ZNF250: variants seen among roughly 807,000 people sequenced by gnomAD.
The protein encoded by ZNF250 is zinc finger protein (clone 647).
A neutral mutation model predicts 37.1 loss-of-function variants in ZNF250; 13 were observed. The ratio of observed to expected loss-of-function variants is 0.35; its 90% CI spans 0.23 to 0.56. The LOEUF (loss-of-function observed/expected upper bound fraction) is 0.56. ZNF250 is among the 20% of genes least tolerant of loss of function. ZNF250 has a pLI of 0.87. For synonymous variants in ZNF250, 251 were observed against 265.6 expected (o/e 0.94, Z 0.54); for missense variants, 474 against 697.9 (o/e 0.68, Z 3.61).
intron 4 of ZNF250, 66 bp from the exon 5 acceptor site, chr8:144,886,968 C>G: frequency 6.9e-7 from 1 of 1,451,008 alleles, no homozygotes; most frequent in Non-Finnish European, 9.7e-7. Flanking sequence ...AAATCCTGGC[C>G]GGGCATGGTG....
At chr8:144,896,524 C>G (rs921177035) in intron 1 of ZNF250, among the ~76,000 whole-genome samples, 5 of 152,122 alleles carry the variant, frequency 3.3e-5, no homozygotes, top group Non-Finnish European at 4.4e-5. Flanking sequence ...GGACCTCAAC[C>G]TAAACCTTGC....
Position 144,890,995 on chromosome 8 carries a change from T to C in ZNF250, c.-54-592A>G, listed in dbSNP as rs1311328730. 6.6e-6 allele frequency among the ~76,000 whole-genome samples: 1 copy of C among 152,094 alleles called. No homozygotes were observed. The highest frequency in any genetic ancestry group is 1.5e-5 in the Non-Finnish European group (1 of 68,016). On this transcript the variant is annotated intron_variant, in intron 1 of 5. Transcript: ENST00000417550. The surrounding 1 kb of genome is among the most constrained non-coding windows in gnomAD (Gnocchi z 5.1). ...TGGACAAACTGAGTCAACAGTGGCCTAGGGATCTGGTCTGAGCAGCTGAAG... is the reference window on the plus strand; with the variant it reads ...TGGACAAACTGAGTCAACAGTGGCCCAGGGATCTGGTCTGAGCAGCTGAAG...
At chr8:144,886,734 GT>G in intron 5 of ZNF250, 105 bp downstream of exon 5, 1 of 989,708 alleles carries the variant, frequency 1.0e-6, no homozygotes, top group Non-Finnish European at 1.5e-6. Context: ...TGTGTGAGTT[GT>G]TTAACACGCT....
intron 4 of ZNF250, among the ~76,000 whole-genome samples, chr8:144,887,526 G>C (rs1831982352): frequency 6.6e-6 from 1 of 152,090 alleles, no homozygotes; most frequent in South Asian, 2.1e-4. Context: ...GCCTGTGTTA[G>C]AGGTGAGGGG....
chr8:144,882,900 C>A lies in ZNF250; in HGVS notation c.347-64G>T. The A allele has an allele frequency of 6.5e-7, 1 of 1,539,154 alleles. No homozygotes were observed. The highest frequency in any genetic ancestry group is 1.3e-5 in the South Asian group (1 of 77,594). On this transcript the variant is annotated intron_variant, in intron 5 of 5. Transcript: ENST00000417550. This position sits in a 1 kb window ranked among gnomAD's most constrained non-coding sequence, Gnocchi z 5.5. ...TCAAAACTGAAGAGCTAGTGCAACC[C>A]TGAAACTGGCCTTGCTGATGAAGGT...
At chr8:144,886,970 G>A in intron 4 of ZNF250, 68 bp from the exon 5 acceptor site, 6 of 1,412,264 alleles carry the variant, frequency 4.2e-6, no homozygotes, top group African/African-American at 1.4e-5. Context: ...ATCCTGGCCG[G>A]GCATGGTGGC....
chr8:144,886,976 G>T, intron 4 of ZNF250, 74 bp from the exon 5 acceptor site: 2 of 1,354,886 alleles, frequency 1.5e-6, no homozygotes, highest in Non-Finnish European at 2.1e-6. Context: ...GCCGGGCATG[G>T]TGGCTCACGT....
chr8:144,881,397 C>T lies in ZNF250; in HGVS notation c.*118G>A, dbSNP rs986765043. 6.4e-6 allele frequency: 9 copies of T among 1,405,654 alleles called. No individual in the cohort carries two copies. Among genetic ancestry groups the T allele is most frequent in the Middle Eastern group, 5.3e-4 (2 of 3,804 alleles). 87.1% of individuals were successfully genotyped at this position (1,405,654 alleles called of 1,614,324 possible). ...GCTTCTTTCTGGAGTTATTTTGTGACACTGAATCGCCAAAGAAAAGCTTCC... is the reference window on the plus strand; with the variant it reads ...GCTTCTTTCTGGAGTTATTTTGTGATACTGAATCGCCAAAGAAAAGCTTCC... On this transcript the variant is annotated 3_prime_UTR_variant, in exon 6 of 6. Coordinates refer to ENST00000417550, the MANE Select transcript of ZNF250 (RefSeq NM_001109689.4).
chr8:144,889,552 T>A (rs751161130), intron 4 of ZNF250, 29 bp downstream of exon 4: 1 of 1,585,034 alleles, frequency 6.3e-7, no homozygotes, highest in Admixed American at 1.7e-5. Context: ...TAGCCCTCAG[T>A]GAGGGAGGGG....
In ZNF250 at chr8:144,890,368, C is replaced by A; in HGVS notation, c.-19G>T. On this transcript the variant is annotated 5_prime_UTR_variant, in exon 2 of 6. Transcript: ENST00000417550. This position sits in a 1 kb window ranked among gnomAD's most constrained non-coding sequence, Gnocchi z 5.1. ...CTGCCATCACCTGGTCTCCTGGGGACTCCGAGGATCACGGAAATTGAAGGA... is the reference window on the plus strand; with the variant it reads ...CTGCCATCACCTGGTCTCCTGGGGAATCCGAGGATCACGGAAATTGAAGGA... 2.7e-6 allele frequency: 4 copies of A among 1,475,476 alleles called. No individual in the cohort carries two copies. Among genetic ancestry groups the A allele is most frequent in the Non-Finnish European group, 3.6e-6 (4 of 1,111,106 alleles). The allele number at this position is 1,475,476 out of a possible 1,614,324, so 91.4% of individuals were successfully genotyped here. A position where few individuals can be genotyped will look rare whatever the true frequency, so the allele number is the denominator to read the frequency against.
intron 3 of ZNF250, 96 bp from the exon 4 acceptor site, chr8:144,889,790 T>A: frequency 6.8e-7 from 1 of 1,462,490 alleles, no homozygotes; most frequent in East Asian, 2.3e-5. Context: ...TGGACAGGAC[T>A]GATCTTCTGC....
At chr8:144,886,599 C>T (rs969368190) in intron 5 of ZNF250, among the ~76,000 whole-genome samples, 26 of 152,086 alleles carry the variant, frequency 1.7e-4, no homozygotes, top group African/African-American at 5.3e-4. Context: ...AATGATTTCA[C>T]CGAAATAAAT....
intron 4 of ZNF250, among the ~76,000 whole-genome samples, chr8:144,888,595 CAAAAAAAA>C (rs36073563): frequency 7.3e-5 from 4 of 54,654 alleles, no homozygotes; most frequent in South Asian, 7.2e-4. Flanking sequence ...AAGACTGTCT[CAAAAAAAA>C]AAAAAAAAAA....
chr8:144,892,250 C>A (rs1448974679), intron 1 of ZNF250, among the ~76,000 whole-genome samples: 1 of 152,154 alleles, frequency 6.6e-6, no homozygotes, highest in Non-Finnish European at 1.5e-5. Flanking sequence ...CAACAGAAGT[C>A]TTTTAAAGGA....
chr8:144,881,465 T>C lies in ZNF250; in HGVS notation c.*50A>G, dbSNP rs1326888035. 2.6e-6 allele frequency: 4 copies of C among 1,528,330 alleles called. No homozygotes were observed. Among genetic ancestry groups the C allele is most frequent in the East Asian group, 4.5e-5 (2 of 44,044 alleles). The allele number at this position is 1,528,330 out of a possible 1,614,324, so 94.7% of individuals were successfully genotyped here. On this transcript the variant is annotated 3_prime_UTR_variant, in exon 6 of 6. Transcript: ENST00000417550. ...CTTCTCTTGGGCTGAAGGCTGCTTG[T>C]GGTTCCACATGCAGTTTCTGTGAGA...
chr8:144,896,616 G>A (rs1382220837), intron 1 of ZNF250, among the ~76,000 whole-genome samples: 1 of 152,092 alleles, frequency 6.6e-6, no homozygotes, highest in Non-Finnish European at 1.5e-5. Flanking sequence ...ACACTTCACG[G>A]GATTCTGACG....
chr8:144,893,942 C>T (rs533825136), intron 1 of ZNF250, among the ~76,000 whole-genome samples: 8 of 152,292 alleles, frequency 5.3e-5, no homozygotes, highest in Admixed American at 4.6e-4. Flanking sequence ...TTCCGAGAAG[C>T]TGCTGCTAGG....
At position 144,878,126 on chromosome 8, in the gene ZNF250, T is replaced by G. The variant is rs941825696; in HGVS notation, c.*3389A>C. 1.3e-5 allele frequency: 2 copies of G among 152,218 alleles called. No homozygotes were observed. The highest frequency in any genetic ancestry group is 2.9e-5 in the Non-Finnish European group (2 of 68,034). 9.4% of individuals were successfully genotyped at this position (152,218 alleles called of 1,614,324 possible). A position where few individuals can be genotyped will look rare whatever the true frequency, so the allele number is the denominator to read the frequency against. On this transcript the variant is annotated 3_prime_UTR_variant, in exon 6 of 6. Coordinates refer to ENST00000417550, the MANE Select transcript of ZNF250 (RefSeq NM_001109689.4). ...GTGACCTCAGGTTTCTGGACTTTCA[T>G]CTCAGTGATCTCATCTAGGTACCTG...
Position 144,880,673 on chromosome 8 carries a change from G to A in ZNF250, c.*842C>T. 1 of 340,672 alleles carries A rather than the reference G, an allele frequency of 2.9e-6. No individual in the cohort carries two copies. The highest frequency in any genetic ancestry group is 3.7e-5 in the Admixed American group (1 of 26,992). The allele number at this position is 340,672 out of a possible 1,614,324, so 21.1% of individuals were successfully genotyped here. On this transcript the variant is annotated 3_prime_UTR_variant, in exon 6 of 6. Coordinates refer to ENST00000417550, the MANE Select transcript of ZNF250 (RefSeq NM_001109689.4). The stretch of plus-strand genomic sequence containing the variant: ...GAGGCCAGGAGTTCGAGACCAGCCT[G>A]GCCAACACGGTGAAACTCCGTCTCT...
Sources: allele counts gnomAD v4.1 joint callset (sites outside exome capture counted in the v4.1 genomes callset), GRCh38; gene constraint gnomAD v4.1.1; non-coding constraint Gnocchi (gnomAD v3.1); transcripts MANE v1.5; gene names NCBI Gene and HGNC (gene_info 2026-07-23, HGNC 2026-07-21).